CNDP1: variants seen among roughly 807,000 people sequenced by gnomAD.
CNDP1 encodes the protein carnosine dipeptidase 1.
CNDP1 carries 44 observed loss-of-function variants against 58.1 expected under a neutral mutation model. The observed-to-expected ratio is 0.76, with a 90% CI of 0.60 to 0.97. The LOEUF (loss-of-function observed/expected upper bound fraction) is 0.97, where lower values mean the gene tolerates loss of function less well. Ranked by LOEUF, CNDP1 falls within the 50% of genes least tolerant of loss-of-function variation. The pLI is 0.00. For missense variants in CNDP1, 616 were observed against 655.1 expected, an observed-to-expected ratio of 0.94 and a Z score of 0.65; for synonymous variants, 254 against 252.6, an observed-to-expected ratio of 1.01 and a Z score of -0.05.
intron 1 of CNDP1, among the ~76,000 whole-genome samples, chr18:74,538,721 G>A (rs1364218349): frequency 2.6e-5 from 4 of 152,082 alleles, no homozygotes; most frequent in Non-Finnish European, 4.4e-5. Context: ...TGTGATTCCC[G>A]GCATCCTCTG....
intron 5 of CNDP1, among the ~76,000 whole-genome samples, chr18:74,563,729 C>A (rs1172134848): frequency 6.6e-6 from 1 of 152,164 alleles, no homozygotes; most frequent in Non-Finnish European, 1.5e-5. Context: ...AGGACACATT[C>A]CCTCCCTGGG....
intron 1 of CNDP1, among the ~76,000 whole-genome samples, chr18:74,550,093 G>T (rs547931046): frequency 6.6e-6 from 1 of 152,222 alleles, no homozygotes; most frequent in Non-Finnish European, 1.5e-5. Flanking sequence ...AAACTATGGG[G>T]TTGGAGTCCC....
chr18:74,577,799 A>G lies in CNDP1; in HGVS notation c.1003-364A>G, dbSNP rs1387256528. 3 of 174,034 alleles carry G rather than the reference A, an allele frequency of 1.7e-5. No individual in the cohort carries two copies. The Admixed American group carries it at 1.8e-4, about 10-fold the overall frequency. The allele number at this position is 174,034 out of a possible 1,614,324, so 10.8% of individuals were successfully genotyped here. A position where few individuals can be genotyped will look rare whatever the true frequency, so the allele number is the denominator to read the frequency against. ...TAAGTTATTATTGTAATTTGGGGTT[A>G]GAAATTTATAATTGAACCCACGTTT... On this transcript the variant is annotated intron_variant, in intron 8 of 11. Transcript: ENST00000358821.
chr18:74,556,195 G>C (rs1599091727), intron 1 of CNDP1, 143 bp from the exon 2 acceptor site: 1 of 849,404 alleles, frequency 1.2e-6, no homozygotes, highest in East Asian at 2.6e-5. Context: ...TACATGTTTG[G>C]TTCTACCGCC....
intron 7 of CNDP1, among the ~76,000 whole-genome samples, chr18:74,572,852 A>G (rs1437710710): frequency 6.6e-6 from 1 of 151,474 alleles, no homozygotes; most frequent in Non-Finnish European, 1.5e-5. Context: ...AAAGCAAAAA[A>G]AAAATGTTTA....
At chr18:74,556,058 G>A (rs975444946) in intron 1 of CNDP1, among the ~76,000 whole-genome samples, 7 of 152,218 alleles carry the variant, frequency 4.6e-5, no homozygotes, top group African/African-American at 1.7e-4. Flanking sequence ...GGGCCAGGAG[G>A]AAACACCTTA....
chr18:74,555,073 C>G (rs1241022048), intron 1 of CNDP1, among the ~76,000 whole-genome samples: 2 of 152,102 alleles, frequency 1.3e-5, no homozygotes, highest in African/African-American at 2.4e-5. Flanking sequence ...TCCCCGCAAC[C>G]CCTGCTCACC....
chr18:74,564,002 C>T (rs1382491847), intron 5 of CNDP1, among the ~76,000 whole-genome samples: 1 of 152,228 alleles, frequency 6.6e-6, no homozygotes, highest in East Asian at 1.9e-4. Flanking sequence ...CTTCCTAAGA[C>T]ACACAGAAAC....
intron 11 of CNDP1, 133 bp downstream of exon 11, chr18:74,583,841 A>G (rs1981849124): frequency 1.1e-6 from 1 of 877,590 alleles, no homozygotes; most frequent in South Asian, 1.6e-5. Context: ...TAAAGAACAG[A>G]CATTCATTCC....
intron 7 of CNDP1, among the ~76,000 whole-genome samples, chr18:74,573,250 A>G (rs28448542): frequency 0.043 from 6,467 of 151,884 alleles, 231 homozygotes; most frequent in African/African-American, 0.097. Flanking sequence ...CTGTCTATCC[A>G]TCCATTATCT....
At chr18:74,562,364 G>A (rs1345249345) in intron 5 of CNDP1, among the ~76,000 whole-genome samples, 1 of 152,186 alleles carries the variant, frequency 6.6e-6, no homozygotes, top group Non-Finnish European at 1.5e-5. Context: ...CTGATACTTC[G>A]AGGATGGATT....
rs573305179 is a variant in CNDP1, at chr18:74,541,977, C to T, written c.24+7286C>T. Reference sequence around the variant, plus strand: ...AGAGAAACAGTGCTAAGACAAGGCACGCACAGATGGAACTCCCCAAAGACT... The same window carrying T: ...AGAGAAACAGTGCTAAGACAAGGCATGCACAGATGGAACTCCCCAAAGACT... On this transcript the variant is annotated intron_variant, in intron 1 of 11. Coordinates refer to ENST00000358821, the MANE Select transcript of CNDP1 (RefSeq NM_032649.6). Among the ~76,000 whole-genome samples the T allele has an allele frequency of 1.4e-4, 21 of 152,312 alleles. No homozygotes were observed. In the East Asian group the frequency reaches 3.7e-3, roughly 27 times the overall value.
At position 74,534,676 on chromosome 18, in the gene CNDP1, C is replaced by A. The variant is rs1328791884; in HGVS notation, c.9C>A (p.Pro3=). The A allele has an allele frequency of 5.0e-6, 8 of 1,614,004 alleles. No individual in the cohort carries two copies. The highest frequency in any genetic ancestry group is 3.3e-5 in the Admixed American group (2 of 59,996). The change falls in exon 1 of 12, where the codon CCC becomes CCA. Residue 3 remains proline, a synonymous_variant. Transcript: ENST00000358821. ...TTCAGAACTCCAGCCTAATGGATCCCAAACTCGGGAGAATGGTGAGTAGGA... is the reference window on the plus strand; with the variant it reads ...TTCAGAACTCCAGCCTAATGGATCCAAAACTCGGGAGAATGGTGAGTAGGA... MD[P]KLGRMAASLL... is the part of the protein sequence containing the mutation.
chr18:74,579,007 A>G (rs1375264165), intron 9 of CNDP1, among the ~76,000 whole-genome samples: 1 of 152,062 alleles, frequency 6.6e-6, no homozygotes, highest in African/African-American at 2.4e-5. Context: ...CCCAACAGTC[A>G]TTCTCTCTCC....
chr18:74,569,061 G>A (rs972250731), intron 6 of CNDP1, among the ~76,000 whole-genome samples: 7 of 152,158 alleles, frequency 4.6e-5, no homozygotes, highest in Non-Finnish European at 7.3e-5. Context: ...AGGGACTGAC[G>A]TCTTAATGAA....
At chr18:74,543,583 A>G (rs140228444) in intron 1 of CNDP1, among the ~76,000 whole-genome samples, 3 of 152,326 alleles carry the variant, frequency 2.0e-5, no homozygotes, top group African/African-American at 7.2e-5. Flanking sequence ...ACATCCTGAA[A>G]ATGTAACTAG....
chr18:74,571,438 C>G (rs959778673), intron 7 of CNDP1, among the ~76,000 whole-genome samples, 168 bp downstream of exon 7: 4 of 152,178 alleles, frequency 2.6e-5, no homozygotes, highest in African/African-American at 9.6e-5. Flanking sequence ...ATAAGTAAGT[C>G]TGCATTATTT....
intron 2 of CNDP1, among the ~76,000 whole-genome samples, chr18:74,556,681 T>A (rs1269891320): frequency 4.6e-5 from 7 of 152,222 alleles, no homozygotes; most frequent in Admixed American, 4.6e-4. Flanking sequence ...GCACTGGGTC[T>A]TCATATCCAG....
At chr18:74,583,093 A>G (rs952013646) in intron 10 of CNDP1, among the ~76,000 whole-genome samples, 2 of 152,270 alleles carry the variant, frequency 1.3e-5, no homozygotes, top group African/African-American at 4.8e-5. Context: ...CGCAACCTCC[A>G]TCACCCACGT....
Sources: gnomAD v4.1 joint callset for allele counts (sites outside exome capture counted in the v4.1 genomes callset) on GRCh38, gnomAD v4.1.1 for gene constraint, MANE v1.5 for transcripts, NCBI Gene and HGNC (gene_info 2026-07-23, HGNC 2026-07-21) for gene names.